Variants in RIN2 observed in about 807,000 individuals in gnomAD.
RIN2 encodes RAB5 interacting protein 2.
A neutral mutation model predicts 78.0 loss-of-function variants in RIN2; 36 were observed. The ratio of observed to expected loss-of-function variants is 0.46; its 90% CI spans 0.35 to 0.61. RIN2 has a LOEUF of 0.61. Among genes scored for constraint, RIN2 ranks in the 20% least tolerant of loss-of-function variants. The pLI is 0.00. For synonymous variants in RIN2, 466 were observed against 466.8 expected (o/e 1.00, Z 0.02); for missense variants, 1,087 against 1,159.7 (o/e 0.94, Z 0.91).
At chr20:19,844,144 T>C (rs2036662987) in intron 2 of RIN2, among the ~76,000 whole-genome samples, 1 of 152,192 alleles carries the variant, frequency 6.6e-6, no homozygotes, top group African/African-American at 2.4e-5. Context: ...TGGAGTGTTT[T>C]TCCAGTTTGG....
intron 2 of RIN2, among the ~76,000 whole-genome samples, chr20:19,879,259 G>A (rs1423913933): frequency 6.6e-6 from 1 of 152,198 alleles, no homozygotes; most frequent in Non-Finnish European, 1.5e-5. Flanking sequence ...ATCTCTGAGA[G>A]CATTACATGG....
At chr20:19,984,665 G>A (rs190253200) in intron 9 of RIN2, among the ~76,000 whole-genome samples, 9 of 152,298 alleles carry the variant, frequency 5.9e-5, no homozygotes, top group African/African-American at 2.2e-4. Context: ...TACTCAGGAT[G>A]CTGAGGCAGG....
In RIN2 at chr20:19,869,715, C is replaced by G. The variant is rs148297873; in HGVS notation, c.-36-19851C>G. 7.1e-3 allele frequency among the ~76,000 whole-genome samples: 1,084 copies of G among 151,774 alleles called. 6 individuals carry two copies. The highest frequency in any genetic ancestry group is 0.014 in the Middle Eastern group (4 of 292). On this transcript the variant is annotated intron_variant, in intron 2 of 12. Coordinates refer to ENST00000255006, the MANE Select transcript of RIN2 (RefSeq NM_018993.4). ...ATCACAGCTACTGCAGCCTCGAACTCCTAGACTCAAGTGATGCTCCCACCT... is the reference window on the plus strand; with the variant it reads ...ATCACAGCTACTGCAGCCTCGAACTGCTAGACTCAAGTGATGCTCCCACCT...
chr20:19,835,779 C>T lies in RIN2; in HGVS notation c.-37+36032C>T, dbSNP rs763072538. 6.6e-5 allele frequency among the ~76,000 whole-genome samples: 10 copies of T among 151,888 alleles called. No homozygotes were observed. In the South Asian group the frequency reaches 1.0e-3, roughly 16 times the overall value. On this transcript the variant is annotated intron_variant, in intron 2 of 12. Coordinates refer to ENST00000255006, the MANE Select transcript of RIN2 (RefSeq NM_018993.4). ...TTTTTCAAGCTTTTTTCAAGCACTC[C>T]GTTTAGTGAACCAGGCTGAGTAGGA...
At chr20:19,901,834 T>C (rs1000049012) in intron 3 of RIN2, among the ~76,000 whole-genome samples, 3 of 151,924 alleles carry the variant, frequency 2.0e-5, no homozygotes, top group African/African-American at 7.3e-5. Context: ...CTGGCCAACA[T>C]GGTGAAACCC....
At chr20:19,851,023 A>AAGG (rs1568814837) in intron 2 of RIN2, among the ~76,000 whole-genome samples, 1 of 121,686 alleles carries the variant, frequency 8.2e-6, no homozygotes, top group African/African-American at 3.8e-5. Context: ...GGAAGGAAGG[A>AAGG]AGGAAGGAAG....
At chr20:19,904,124 CG>C (rs796970748) in intron 3 of RIN2, among the ~76,000 whole-genome samples, 7 of 151,584 alleles carry the variant, frequency 4.6e-5, no homozygotes, top group African/African-American at 1.7e-4. Context: ...CCCAGCCACT[CG>C]GGAGGCTGAG....
At position 19,975,368 on chromosome 20, in the gene RIN2, T is replaced by C. The variant is rs371816473; in HGVS notation, c.1343T>C (p.Met448Thr). The C allele has an allele frequency of 3.3e-5, 54 of 1,613,816 alleles. No individual in the cohort carries two copies. Among genetic ancestry groups the C allele is most frequent in the Non-Finnish European group, 4.3e-5 (51 of 1,179,842 alleles). Reference protein sequence around the residue: ...SSDSLEFDRSMPLFGYEADTN... With the variant: ...SSDSLEFDRSTPLFGYEADTN... ...GACTCGCTGGAGTTCGACCGGAGCA[T>C]GCCTCTGTTTGGCTACGAGGCGGAC... The change falls in exon 9 of 13, where the codon ATG becomes ACG. Residue 448 changes from methionine to threonine, a missense_variant. Transcript: ENST00000255006. This position sits in a 1 kb window ranked among gnomAD's most constrained non-coding sequence, Gnocchi z 4.9.
intron 2 of RIN2, among the ~76,000 whole-genome samples, chr20:19,809,886 A>C (rs1197281975): frequency 1.3e-5 from 2 of 152,220 alleles, no homozygotes; most frequent in African/African-American, 4.8e-5. Context: ...AATTGAAGAA[A>C]GACACTTCCA....
At chr20:19,957,643 C>CTCCA (rs1259079057) in intron 5 of RIN2, among the ~76,000 whole-genome samples, 1 of 151,964 alleles carries the variant, frequency 6.6e-6, no homozygotes, top group Non-Finnish European at 1.5e-5. Flanking sequence ...TGCCACTGCA[C>CTCCA]TCCAGTCTGG....
At chr20:19,948,302 A>G (rs1350606708) in intron 4 of RIN2, among the ~76,000 whole-genome samples, 6 of 152,216 alleles carry the variant, frequency 3.9e-5, no homozygotes, top group Admixed American at 1.3e-4. Flanking sequence ...TCATTCTATG[A>G]GGGGTTTTCA....
intron 1 of RIN2, among the ~76,000 whole-genome samples, chr20:19,775,703 G>T (rs1568740860): frequency 6.6e-6 from 1 of 152,232 alleles, no homozygotes; most frequent in African/African-American, 2.4e-5. Flanking sequence ...ATGTTAATCA[G>T]TGGTAGAACA....
At chr20:19,995,625 A>G (rs1476315215) in intron 11 of RIN2, among the ~76,000 whole-genome samples, 1 of 152,184 alleles carries the variant, frequency 6.6e-6, no homozygotes, top group African/African-American at 2.4e-5. Flanking sequence ...CATCACAGGA[A>G]CATCACTTTC....
chr20:19,997,303 A>G (rs973778356), intron 12 of RIN2, among the ~76,000 whole-genome samples: 5 of 152,236 alleles, frequency 3.3e-5, no homozygotes, highest in African/African-American at 9.6e-5. Context: ...AGCAACAGCT[A>G]TGGCAGCCGT....
Position 19,799,037 on chromosome 20 carries a change from C to A in RIN2, c.-162-585C>A, listed in dbSNP as rs115961485. Among the ~76,000 whole-genome samples, 500 of 152,150 alleles carry A rather than the reference C, an allele frequency of 3.3e-3. 1 individual carries two copies. Among genetic ancestry groups the A allele is most frequent in the African/African-American group, 0.012 (481 of 41,516 alleles). ...ACCTCAGCCTCCCCAGTAGGTGGGA[C>A]CATAGGCGTGTGTCGCTATGCCTGG... On this transcript the variant is annotated intron_variant, in intron 1 of 12. Transcript: ENST00000255006.
intron 3 of RIN2, among the ~76,000 whole-genome samples, chr20:19,891,752 GA>G (rs1374070517): frequency 0.015 from 330 of 21,894 alleles, 1 homozygote; most frequent in African/African-American, 0.078. Flanking sequence ...CTGGGAGGTG[GA>G]GGTTGCAGGA....
At chr20:19,889,065 A>C (rs2038324017) in intron 2 of RIN2, 3 of 921,462 alleles carry the variant, frequency 3.3e-6, no homozygotes, top group Non-Finnish European at 3.9e-6. Flanking sequence ...TAAGGGAAAA[A>C]TAGAGCAATT....
At chr20:19,901,182 A>G (rs1367271167) in intron 3 of RIN2, among the ~76,000 whole-genome samples, 2 of 152,160 alleles carry the variant, frequency 1.3e-5, no homozygotes, top group Admixed American at 6.5e-5. Flanking sequence ...GGAAAATGGA[A>G]TGATACCACC....
intron 2 of RIN2, among the ~76,000 whole-genome samples, chr20:19,817,609 T>G (rs2035802722): frequency 6.6e-6 from 1 of 152,232 alleles, no homozygotes; most frequent in African/African-American, 2.4e-5. Context: ...GGAGAAATGC[T>G]TTTTATGTGA....
Sources: gnomAD v4.1 joint callset for allele counts (sites outside exome capture counted in the v4.1 genomes callset) on GRCh38, gnomAD v4.1.1 for gene constraint, Gnocchi (gnomAD v3.1) non-coding constraint, MANE v1.5 for transcripts, NCBI Gene and HGNC (gene_info 2026-07-23, HGNC 2026-07-21) for gene names.